The following UHRF2 variants were observed in gnomAD, a reference collection of about 807,000 sequenced individuals.
The protein encoded by UHRF2 is E3 ubiquitin-protein ligase UHRF2.
UHRF2 carries 23 observed loss-of-function variants against 96.8 expected under a neutral mutation model. The ratio of observed to expected loss-of-function variants is 0.24; its 90% confidence interval spans 0.17 to 0.34. The LOEUF (loss-of-function observed/expected upper bound fraction) is 0.34. Ranked by LOEUF, UHRF2 falls within the 10% of genes least tolerant of loss-of-function variation. The pLI, the probability that UHRF2 is intolerant of heterozygous loss-of-function variation, is 1.00. For synonymous variants in UHRF2, 385 were observed against 332.6 expected (o/e 1.16, Z -1.72); for missense variants, 685 against 981.5 (o/e 0.70, Z 4.04).
intron 8 of UHRF2, among the ~76,000 whole-genome samples, chr9:6,484,325 C>G (rs928480498): frequency 6.6e-6 from 1 of 152,094 alleles, no homozygotes; most frequent in African/African-American, 2.4e-5. Context: ...GTACTCCAGC[C>G]TTGGCCTCCC....
chr9:6,441,199 C>G (rs1321643528), intron 3 of UHRF2, among the ~76,000 whole-genome samples: 1 of 151,852 alleles, frequency 6.6e-6, no homozygotes, highest in Non-Finnish European at 1.5e-5. Flanking sequence ...GGCAACATGG[C>G]AAAACCCAGT....
At chr9:6,477,205 G>T (rs1823630113) in intron 5 of UHRF2, among the ~76,000 whole-genome samples, 1 of 151,720 alleles carries the variant, frequency 6.6e-6, no homozygotes, top group African/African-American at 2.4e-5. Flanking sequence ...TTGCACTCCA[G>T]CCTGGGTGAC....
chr9:6,490,348 C>T (rs1277247350), intron 9 of UHRF2, among the ~76,000 whole-genome samples: 1 of 152,192 alleles, frequency 6.6e-6, no homozygotes, highest in African/African-American at 2.4e-5. Flanking sequence ...TTAAATAAGG[C>T]CAGTCACAGT....
intron 6 of UHRF2, among the ~76,000 whole-genome samples, chr9:6,478,890 C>T (rs1018929221): frequency 3.3e-5 from 5 of 152,294 alleles, no homozygotes; most frequent in African/African-American, 1.2e-4. Context: ...ATTTTACCAT[C>T]GCTAATAACT....
intron 10 of UHRF2, chr9:6,494,560 T>C (rs891711138): frequency 6.6e-6 from 1 of 152,176 alleles, no homozygotes; most frequent in Non-Finnish European, 1.5e-5. Context: ...TACAGAAAAT[T>C]TATTAATTTC....
chr9:6,473,735 C>A (rs1232072256), intron 4 of UHRF2, among the ~76,000 whole-genome samples: 1 of 152,156 alleles, frequency 6.6e-6, no homozygotes, highest in Non-Finnish European at 1.5e-5. Context: ...TACTTAACTC[C>A]CCTGTTAACA....
chr9:6,489,682 T>C (rs1824536481), intron 9 of UHRF2, among the ~76,000 whole-genome samples: 1 of 152,104 alleles, frequency 6.6e-6, no homozygotes, highest in African/African-American at 2.4e-5. Context: ...GCCTCTTTAG[T>C]AGTATAGCAC....
chr9:6,493,647 T>C (rs763603330), intron 9 of UHRF2, among the ~76,000 whole-genome samples, 179 bp from the exon 10 acceptor site: 3 of 152,234 alleles, frequency 2.0e-5, no homozygotes, highest in Non-Finnish European at 4.4e-5. Context: ...GGTCAAGTTA[T>C]ATGACTTGAA....
intron 4 of UHRF2, chr9:6,468,466 A>G (rs1427519584): frequency 2.2e-6 from 1 of 455,974 alleles, no homozygotes; most frequent in South Asian, 1.5e-5. Context: ...AACTGCGGGT[A>G]TGTCTCTGGA....
chr9:6,487,422 A>G (rs1235772557), intron 9 of UHRF2, among the ~76,000 whole-genome samples: 1 of 151,956 alleles, frequency 6.6e-6, no homozygotes, highest in Non-Finnish European at 1.5e-5. Context: ...ACTGGAGTTC[A>G]GTGGCTCAGT....
intron 11 of UHRF2, 130 bp from the exon 12 acceptor site, chr9:6,497,888 C>G: frequency 8.7e-7 from 1 of 1,144,142 alleles, no homozygotes; most frequent in Non-Finnish European, 1.2e-6. Context: ...TCTTGACTTA[C>G]TGTCCTTACA....
chr9:6,495,107 A>T (rs960939691), intron 10 of UHRF2: 2 of 152,186 alleles, frequency 1.3e-5, no homozygotes, highest in African/African-American at 4.8e-5. Flanking sequence ...AAGTTGTCAA[A>T]TCTGAAAATT....
chr9:6,480,491 T>C (rs1291095238), intron 6 of UHRF2, among the ~76,000 whole-genome samples: 1 of 152,250 alleles, frequency 6.6e-6, no homozygotes, highest in Non-Finnish European at 1.5e-5. Flanking sequence ...TTTGTATTAC[T>C]CTGGAATATA....
At chr9:6,498,497 G>A (rs190129933) in intron 12 of UHRF2, 45 of 171,672 alleles carry the variant, frequency 2.6e-4, no homozygotes, top group Admixed American at 6.8e-4. Flanking sequence ...TATCCTAGAG[G>A]GCACAGGGGG....
intron 3 of UHRF2, among the ~76,000 whole-genome samples, chr9:6,457,911 C>T (rs1420500557): frequency 2.6e-5 from 4 of 152,062 alleles, no homozygotes; most frequent in South Asian, 2.1e-4. Context: ...TCGGTTTGCC[C>T]GTATTTTATT....
rs1563798806 is a variant in UHRF2, at chr9:6,486,802, C to G, written c.1393-19C>G. ...AACTGTTCAGAGGTATTTTGAGACTCTCTTTAATTGTTTTATAGGTGAGCG... is the reference window on the plus strand; with the variant it reads ...AACTGTTCAGAGGTATTTTGAGACTGTCTTTAATTGTTTTATAGGTGAGCG... On this transcript the variant is annotated intron_variant, in intron 8 of 15. Transcript: ENST00000276893. 4 of 1,611,994 alleles carry G rather than the reference C, an allele frequency of 2.5e-6. No individual in the cohort carries two copies.
rs760928029 is a variant in UHRF2, at chr9:6,460,561, C to T, written c.645-12C>T. The stretch of plus-strand genomic sequence containing the variant: ...TGGTAATCATAAGCCATATGGTTTT[C>T]TCTCTCCTCAGATACCCAGAAAGCG... On this transcript the variant is annotated splice_polypyrimidine_tract_variant and intron_variant, in intron 3 of 15. Transcript: ENST00000276893. 6.3e-6 allele frequency: 10 copies of T among 1,584,806 alleles called. 1 individual carries two copies. In the Admixed American group the frequency reaches 1.6e-4, roughly 25 times the overall value.
In UHRF2 at chr9:6,413,284, T is replaced by A. The variant is rs1174556209; in HGVS notation, c.-207T>A. On this transcript the variant is annotated 5_prime_UTR_variant, in exon 1 of 16. Transcript: ENST00000276893. ...CGGCAGCGCCTCAGAGTGGTTCCGG[T>A]CGTCTCTCCTCAAGTCGGCTAGTCG... 2 of 246,394 alleles carry A rather than the reference T, an allele frequency of 8.1e-6. No homozygotes were observed. Among genetic ancestry groups the A allele is most frequent in the Non-Finnish European group, 1.5e-5 (2 of 136,970 alleles). The allele number at this position is 246,394 out of a possible 1,614,324, so 15.3% of individuals were successfully genotyped here.
At chr9:6,433,404 A>G (rs1412488847) in intron 2 of UHRF2, among the ~76,000 whole-genome samples, 1 of 152,196 alleles carries the variant, frequency 6.6e-6, no homozygotes, top group Non-Finnish European at 1.5e-5. Flanking sequence ...ACCATTTTGT[A>G]TAGATGGGTT....
Sources: gnomAD v4.1 joint callset for allele counts (sites outside exome capture counted in the v4.1 genomes callset) on GRCh38, gnomAD v4.1.1 for gene constraint, MANE v1.5 for transcripts, NCBI Gene and HGNC (gene_info 2026-07-23, HGNC 2026-07-21) for gene names.